ZCCHC7: variants seen among roughly 807,000 people sequenced by gnomAD.
ZCCHC7 encodes zinc finger CCHC domain-containing protein 7.
Under a neutral mutation model 52.0 loss-of-function variants are expected in ZCCHC7, and 35 were observed. The ratio of observed to expected loss-of-function variants is 0.67; its 90% CI spans 0.51 to 0.89. ZCCHC7 has a LOEUF of 0.89. Ranked by LOEUF, ZCCHC7 falls within the 40% of genes least tolerant of loss-of-function variation. ZCCHC7 has a pLI of 0.00. For synonymous variants in ZCCHC7, 217 were observed against 221.5 expected (o/e 0.98, Z 0.18); for missense variants, 574 against 649.1 (o/e 0.88, Z 1.26).
In ZCCHC7 at chr9:37,166,436, C is replaced by T. The variant is rs113352979; in HGVS notation, c.610+39494C>T. 5.9e-5 allele frequency among the ~76,000 whole-genome samples: 9 copies of T among 151,874 alleles called. 1 individual carries two copies. The highest frequency in any genetic ancestry group is 1.9e-4 in the African/African-American group (8 of 41,408). On this transcript the variant is annotated intron_variant, in intron 2 of 8. Transcript: ENST00000336755. ...ATATGTGTAGAATCTCTAGTGATAC[C>T]ACTTTTCTCATTTTTTTTCCTGGTA...
Position 37,172,928 on chromosome 9 carries a change from C to T in ZCCHC7, c.610+45986C>T, listed in dbSNP as rs532795181. On this transcript the variant is annotated intron_variant, in intron 2 of 8. Transcript: ENST00000336755. ...TTCCAATAGGGACTTGAGTGAGCAA[C>T]GTGGGCATTCCAATAGGGACTTTAG... 6.4e-5 allele frequency among the ~76,000 whole-genome samples: 9 copies of T among 140,072 alleles called. No homozygotes were observed. In the East Asian group the frequency reaches 6.7e-4, roughly 10 times the overall value. The allele number at this position is 140,072 out of a possible 152,430, so 91.9% of individuals were successfully genotyped here. A position where few individuals can be genotyped will look rare whatever the true frequency, so the allele number is the denominator to read the frequency against.
At chr9:37,133,045 A>G (rs1050711969) in intron 2 of ZCCHC7, among the ~76,000 whole-genome samples, 7 of 152,162 alleles carry the variant, frequency 4.6e-5, no homozygotes, top group African/African-American at 1.7e-4. Context: ...GAGGCAGGAG[A>G]ATCGCTTGAA....
chr9:37,205,547 C>G (rs547613528), intron 2 of ZCCHC7, among the ~76,000 whole-genome samples: 1 of 152,186 alleles, frequency 6.6e-6, no homozygotes, highest in Non-Finnish European at 1.5e-5. Context: ...GACGGAGTCT[C>G]GCTCAGTCGC....
rs771681338 is a variant in ZCCHC7, at chr9:37,126,640, G to A, written c.308G>A (p.Cys103Tyr). 18 of 1,614,048 alleles carry A rather than the reference G, an allele frequency of 1.1e-5. No individual in the cohort carries two copies. The highest frequency in any genetic ancestry group is 1.6e-4 in the Middle Eastern group (1 of 6,080). ...TLSDEDSIYR[C>Y]KGKNVRVQAQ... is the part of the protein sequence containing the mutation. ...TCTGATGAAGACAGTATTTATAGAT[G>A]TAAAGGAAAGAATGTTAGAGTTCAA... Residue 103 changes from cysteine to tyrosine, a missense_variant, in exon 2 of 9, where the codon TGT (cysteine) becomes TAT (tyrosine). By Grantham distance (194) the Cys-to-Tyr change is radical. Coordinates refer to ENST00000336755, the MANE Select transcript of ZCCHC7 (RefSeq NM_032226.3).
At chr9:37,217,452 T>A (rs1025281380) in intron 2 of ZCCHC7, among the ~76,000 whole-genome samples, 1 of 152,160 alleles carries the variant, frequency 6.6e-6, no homozygotes, top group African/African-American at 2.4e-5. Flanking sequence ...GAAAGAACTG[T>A]TTAGCATGAT....
chr9:37,284,273 AAC>A (rs1371115292), intron 2 of ZCCHC7: 1 of 152,240 alleles, frequency 6.6e-6, no homozygotes, highest in Non-Finnish European at 1.5e-5. Context: ...GTTAGACAGT[AAC>A]AGAGGCCAAG....
chr9:37,274,331 CTTTTTTTTT>C (rs10653910), intron 2 of ZCCHC7, among the ~76,000 whole-genome samples: 3 of 76,668 alleles, frequency 3.9e-5, no homozygotes, highest in Non-Finnish European at 4.8e-5. Context: ...TATCTAATTT[CTTTTTTTTT>C]TTTTTTTTTT....
chr9:37,184,687 TTTG>T (rs56220914), intron 2 of ZCCHC7, among the ~76,000 whole-genome samples: 63 of 150,434 alleles, frequency 4.2e-4, no homozygotes, highest in East Asian at 9.8e-4. Flanking sequence ...TGTCTGGTGA[TTTG>T]TTGTTGTTGT....
chr9:37,150,334 G>T (rs1588382777), intron 2 of ZCCHC7, among the ~76,000 whole-genome samples: 2 of 152,158 alleles, frequency 1.3e-5, no homozygotes, highest in Admixed American at 1.3e-4. Flanking sequence ...AACAAAATCA[G>T]CTCTAACTAT....
intron 2 of ZCCHC7, among the ~76,000 whole-genome samples, chr9:37,283,853 A>T (rs1828085105): frequency 6.6e-6 from 1 of 152,196 alleles, no homozygotes; most frequent in Non-Finnish European, 1.5e-5. Flanking sequence ...TTGGGAATGA[A>T]ACATTCCACT....
At chr9:37,204,934 G>T (rs959020801) in intron 2 of ZCCHC7, among the ~76,000 whole-genome samples, 1 of 152,166 alleles carries the variant, frequency 6.6e-6, no homozygotes, top group African/African-American at 2.4e-5. Context: ...TGTCTGCTAT[G>T]GTTTGAATGT....
rs76425890 is a variant in ZCCHC7, at chr9:37,309,153, C to G, written c.951+3439C>G. ...CATGGCGAAGGTTCTGGAAGCTGGT[C>G]TTTGTAGCCTACACACCTGGTGTAG... On this transcript the variant is annotated intron_variant, in intron 5 of 8. Transcript: ENST00000336755. 7.2e-5 allele frequency among the ~76,000 whole-genome samples: 11 copies of G among 152,208 alleles called. No individual in the cohort carries two copies. The East Asian group carries it at 1.5e-3, about 21-fold the overall frequency.
chr9:37,327,212 T>C (rs2118152718), intron 5 of ZCCHC7: 1 of 152,238 alleles, frequency 6.6e-6, no homozygotes, highest in South Asian at 2.1e-4. Flanking sequence ...TTAAAGTTGT[T>C]TTTGCTACAG....
chr9:37,125,176 T>G (rs888817862), intron 1 of ZCCHC7, among the ~76,000 whole-genome samples: 1 of 150,898 alleles, frequency 6.6e-6, no homozygotes, highest in Admixed American at 6.6e-5. Context: ...TTGAGTTGGG[T>G]TCTTGCTTTG....
At chr9:37,154,982 A>G (rs578251779) in intron 2 of ZCCHC7, among the ~76,000 whole-genome samples, 11 of 152,344 alleles carry the variant, frequency 7.2e-5, no homozygotes, top group Non-Finnish European at 1.6e-4. Context: ...TGAAATTTAC[A>G]TAATTTGAAG....
At chr9:37,214,099 GA>G (rs143939348) in intron 2 of ZCCHC7, among the ~76,000 whole-genome samples, 7,704 of 151,834 alleles carry the variant, frequency 0.051, 633 homozygotes, top group African/African-American at 0.17. Context: ...TTATTCCTAG[GA>G]TTGTTCCCCA....
chr9:37,327,522 C>G (rs1401393882), intron 5 of ZCCHC7: 1 of 377,504 alleles, frequency 2.6e-6, no homozygotes, highest in Non-Finnish European at 4.8e-6. Context: ...AGTTATGGCT[C>G]TTTATCACAT....
intron 7 of ZCCHC7, among the ~76,000 whole-genome samples, chr9:37,350,354 A>G (rs543350068): frequency 2.0e-5 from 3 of 151,850 alleles, no homozygotes; most frequent in Non-Finnish European, 4.4e-5. Flanking sequence ...CTGGTCTCGA[A>G]CTGCTGGCCT....
intron 2 of ZCCHC7, among the ~76,000 whole-genome samples, chr9:37,136,068 G>A (rs1363966293): frequency 6.6e-6 from 1 of 151,896 alleles, no homozygotes; most frequent in Non-Finnish European, 1.5e-5. Flanking sequence ...TTCCTGTGTG[G>A]ATTAGTTTCT....
Sources: gnomAD v4.1 joint callset for allele counts (sites outside exome capture counted in the v4.1 genomes callset) on GRCh38, gnomAD v4.1.1 for gene constraint, MANE v1.5 for transcripts, NCBI Gene and HGNC (gene_info 2026-07-23, HGNC 2026-07-21) for gene names.